The following TCF12 variants were observed in gnomAD, a reference collection of about 807,000 sequenced individuals.
The protein encoded by TCF12 is transcription factor 12, also known as DNA-binding protein HTF4.
TCF12 carries 45 observed loss-of-function variants against 86.0 expected under a neutral mutation model. The ratio of observed to expected loss-of-function variants is 0.52; its 90% CI spans 0.41 to 0.67. The LOEUF is 0.67. Ranked by LOEUF, TCF12 falls within the 30% of genes least tolerant of loss-of-function variation. The pLI is 0.00. For synonymous variants in TCF12, 330 were observed against 299.6 expected (o/e 1.10, Z -1.05); for missense variants, 881 against 859.9 (o/e 1.02, Z -0.31).
chr15:56,962,420 G>C (rs1189780390), intron 3 of TCF12, among the ~76,000 whole-genome samples: 1 of 152,060 alleles, frequency 6.6e-6, no homozygotes, highest in African/African-American at 2.4e-5. Flanking sequence ...GTCGCCTTTA[G>C]TCTTTAGAGT....
chr15:57,077,327 A>ATATG (rs1491543023), intron 4 of TCF12, among the ~76,000 whole-genome samples: 1 of 25,702 alleles, frequency 3.9e-5, no homozygotes, highest in Non-Finnish European at 5.9e-5. Context: ...ATGTATATAT[A>ATATG]TGTGTGTGTG....
chr15:57,070,640 C>A (rs935863696), intron 4 of TCF12, among the ~76,000 whole-genome samples: 1 of 152,136 alleles, frequency 6.6e-6, no homozygotes, highest in Admixed American at 6.5e-5. Flanking sequence ...TTTTGTTTAG[C>A]GCTCTCTCCA....
intron 3 of TCF12, among the ~76,000 whole-genome samples, chr15:57,026,210 G>A (rs761207481): frequency 2.0e-5 from 3 of 152,244 alleles, no homozygotes; most frequent in Non-Finnish European, 4.4e-5. Context: ...AATGGGAATG[G>A]CTGTATTCCA....
chr15:57,010,706 G>T (rs1217530903), intron 3 of TCF12, among the ~76,000 whole-genome samples: 2 of 152,180 alleles, frequency 1.3e-5, no homozygotes, highest in Non-Finnish European at 2.9e-5. Context: ...AGTGAGAAAC[G>T]TGTTTACTGA....
At chr15:57,272,306 G>C (rs2061180453) in intron 18 of TCF12, among the ~76,000 whole-genome samples, 1 of 152,164 alleles carries the variant, frequency 6.6e-6, no homozygotes, top group Non-Finnish European at 1.5e-5. Flanking sequence ...TGCTGATCAA[G>C]AGGTAATAAA....
chr15:56,997,735 G>A (rs368411771), intron 3 of TCF12, among the ~76,000 whole-genome samples: 2 of 152,144 alleles, frequency 1.3e-5, no homozygotes, highest in Non-Finnish European at 2.9e-5. Flanking sequence ...CAGTAATTAC[G>A]TTGAATTTTT....
At chr15:57,085,587 G>A (rs1384255751) in intron 4 of TCF12, among the ~76,000 whole-genome samples, 4 of 152,196 alleles carry the variant, frequency 2.6e-5, no homozygotes, top group Non-Finnish European at 5.9e-5. Context: ...GTGTTTAACT[G>A]AGAGAGACAG....
chr15:56,942,262 A>G (rs1250316232), intron 3 of TCF12, among the ~76,000 whole-genome samples: 2 of 152,224 alleles, frequency 1.3e-5, no homozygotes, highest in African/African-American at 2.4e-5. Context: ...AAACAAAGCT[A>G]TGTTTGTAAA....
chr15:57,082,767 T>C (rs1433865525), intron 4 of TCF12, among the ~76,000 whole-genome samples: 2 of 152,200 alleles, frequency 1.3e-5, no homozygotes, highest in Admixed American at 6.5e-5. Flanking sequence ...TCTAGTAAAT[T>C]TGAACACAAG....
chr15:57,175,027 G>A (rs768396799), intron 6 of TCF12, among the ~76,000 whole-genome samples: 10 of 151,982 alleles, frequency 6.6e-5, no homozygotes, highest in South Asian at 2.1e-4. Context: ...AAAATAAATC[G>A]GTAAGCCACA....
rs775721749 is a variant in TCF12, at chr15:57,027,547, AT to A, written c.149-36194del. On this transcript the variant is annotated intron_variant, in intron 3 of 20. Coordinates refer to ENST00000333725, the MANE Select transcript of TCF12 (RefSeq NM_207037.2). Reference sequence around the variant, plus strand: ...ATTCTCTATAAGGTTTTTTATGGTCATTTTTTTTTCTTGGATACATACTGAG... The same window carrying A: ...ATTCTCTATAAGGTTTTTTATGGTCATTTTTTTTCTTGGATACATACTGAG... Among the ~76,000 whole-genome samples, 15 of 150,978 alleles carry A rather than the reference AT, an allele frequency of 9.9e-5. No individual in the cohort carries two copies. In the East Asian group the frequency reaches 1.2e-3, roughly 12 times the overall value.
intron 6 of TCF12, among the ~76,000 whole-genome samples, chr15:57,177,572 A>G (rs1466582459): frequency 1.4e-5 from 2 of 140,498 alleles, no homozygotes; most frequent in African/African-American, 2.6e-5. Flanking sequence ...TGCCCAGTCA[A>G]TAGACACTTT....
intron 5 of TCF12, among the ~76,000 whole-genome samples, chr15:57,143,237 C>T (rs867240692): frequency 1.3e-4 from 19 of 149,820 alleles, no homozygotes; most frequent in Admixed American, 6.6e-4. Context: ...ATTATTGAGA[C>T]ATTTGGTAAA....
At chr15:57,194,567 C>T (rs1354698892) in intron 7 of TCF12, among the ~76,000 whole-genome samples, 4 of 152,200 alleles carry the variant, frequency 2.6e-5, no homozygotes, top group African/African-American at 9.7e-5. Flanking sequence ...CTGCATCAAC[C>T]TCAGCATCTT....
At chr15:57,119,293 T>TG (rs1452088505) in intron 5 of TCF12, among the ~76,000 whole-genome samples, 39 of 151,322 alleles carry the variant, frequency 2.6e-4, no homozygotes, top group South Asian at 6.3e-4. Flanking sequence ...TTTGTTTGTT[T>TG]TTTTGTTTTT....
intron 2 of TCF12, among the ~76,000 whole-genome samples, chr15:56,920,636 T>C (rs34013592): frequency 0.039 from 5,986 of 152,236 alleles, 190 homozygotes; most frequent in Middle Eastern, 0.054. Flanking sequence ...ATACCTGCTT[T>C]ATACAATTCA....
chr15:57,072,326 G>T (rs573810584), intron 4 of TCF12, among the ~76,000 whole-genome samples: 1 of 152,288 alleles, frequency 6.6e-6, no homozygotes, highest in African/African-American at 2.4e-5. Flanking sequence ...TTTAGGCTTT[G>T]TCAAGTTAGC....
At chr15:56,973,951 A>G (rs1272951807) in intron 3 of TCF12, among the ~76,000 whole-genome samples, 2 of 152,174 alleles carry the variant, frequency 1.3e-5, no homozygotes, top group Non-Finnish European at 2.9e-5. Context: ...GTCATTCTAC[A>G]AGATAACTGA....
At chr15:57,125,717 T>C (rs575070302) in intron 5 of TCF12, among the ~76,000 whole-genome samples, 26 of 152,330 alleles carry the variant, frequency 1.7e-4, no homozygotes, top group African/African-American at 5.8e-4. Flanking sequence ...TGTGCTGTAC[T>C]TAAATTTTTT....
Sources: gnomAD v4.1 joint callset for allele counts (sites outside exome capture counted in the v4.1 genomes callset) on GRCh38, gnomAD v4.1.1 for gene constraint, MANE v1.5 for transcripts, NCBI Gene and HGNC (gene_info 2026-07-23, HGNC 2026-07-21) for gene names.